TSNAX: variants seen among roughly 807,000 people sequenced by gnomAD.
The protein encoded by TSNAX is translin-associated protein X.
TSNAX carries 12 observed loss-of-function variants against 33.0 expected under a neutral mutation model. The ratio of observed to expected loss-of-function variants is 0.36; its 90% confidence interval spans 0.23 to 0.59. The LOEUF (loss-of-function observed/expected upper bound fraction) is 0.59. Ranked by LOEUF, TSNAX falls within the 20% of genes least tolerant of loss-of-function variation. The probability of loss-of-function intolerance (pLI) is 0.74; values close to 1 mark genes in which losing one functional copy is unlikely to be tolerated. For missense variants in TSNAX, 267 were observed against 341.3 expected (o/e 0.78, Z 1.72); for synonymous variants, 110 against 117.2 (o/e 0.94, Z 0.40).
intron 4 of TSNAX, among the ~76,000 whole-genome samples, chr1:231,543,544 G>T (rs1367630872): frequency 6.6e-6 from 1 of 152,126 alleles, no homozygotes; most frequent in Non-Finnish European, 1.5e-5. Context: ...TTTGGATTAG[G>T]AATGCTCAAT....
chr1:231,528,940 C>T (rs1303510304), intron 1 of TSNAX, 114 bp downstream of exon 1: 2 of 1,386,414 alleles, frequency 1.4e-6, no homozygotes, highest in African/African-American at 1.4e-5. Flanking sequence ...CTTGTAGACT[C>T]GGGGGCGGCC....
chr1:231,559,179 T>C (rs1358835321), intron 4 of TSNAX, among the ~76,000 whole-genome samples: 1 of 152,210 alleles, frequency 6.6e-6, no homozygotes, highest in Non-Finnish European at 1.5e-5. Context: ...ATCAGAAATG[T>C]ATTCTCTTGC....
intron 4 of TSNAX, among the ~76,000 whole-genome samples, chr1:231,544,778 A>G (rs1659798754): frequency 1.3e-5 from 2 of 152,260 alleles, no homozygotes. Flanking sequence ...AATGGAGAGA[A>G]AAAGGTGAAA....
chr1:231,565,072 A>G lies in TSNAX; in HGVS notation c.*167A>G, dbSNP rs543438734. 9.8e-6 allele frequency: 8 copies of G among 813,924 alleles called. No homozygotes were observed. In the East Asian group the frequency reaches 2.2e-4, roughly 22 times the overall value. The allele number at this position is 813,924 out of a possible 1,614,324, so 50.4% of individuals were successfully genotyped here. A position where few individuals can be genotyped will look rare whatever the true frequency, so the allele number is the denominator to read the frequency against. ...GCTGTACATAAAATTAGCCAAATGA[A>G]TCATTTCTTATATCTTATTCATGAA... On this transcript the variant is annotated 3_prime_UTR_variant, in exon 6 of 6. Transcript: ENST00000366639.
At chr1:231,538,910 C>G (rs1341598976) in intron 3 of TSNAX, among the ~76,000 whole-genome samples, 1 of 142,206 alleles carries the variant, frequency 7.0e-6, no homozygotes, top group Non-Finnish European at 1.5e-5. Context: ...CCAGCCTGGG[C>G]GACAGAATGA....
chr1:231,543,496 A>C (rs1659709576), intron 4 of TSNAX, among the ~76,000 whole-genome samples: 1 of 152,102 alleles, frequency 6.6e-6, no homozygotes. Context: ...TCAGCACTCA[A>C]AACGTTTTGG....
chr1:231,550,158 T>G (rs996800504), intron 4 of TSNAX, among the ~76,000 whole-genome samples: 1 of 152,202 alleles, frequency 6.6e-6, no homozygotes, highest in Non-Finnish European at 1.5e-5. Flanking sequence ...GCAAATACAC[T>G]CACATTCTCA....
chr1:231,562,799 G>T (rs1222392798), intron 5 of TSNAX, among the ~76,000 whole-genome samples: 1 of 152,118 alleles, frequency 6.6e-6, no homozygotes, highest in African/African-American at 2.4e-5. Flanking sequence ...AAGGTATTTT[G>T]CTCTGACTTG....
intron 4 of TSNAX, among the ~76,000 whole-genome samples, chr1:231,546,106 T>C (rs1659897633): frequency 1.3e-5 from 2 of 152,230 alleles, no homozygotes; most frequent in Non-Finnish European, 2.9e-5. Flanking sequence ...TTATATATTA[T>C]ATTTCTTCAT....
intron 4 of TSNAX, among the ~76,000 whole-genome samples, chr1:231,548,757 G>T (rs1337305657): frequency 6.6e-6 from 1 of 152,222 alleles, no homozygotes; most frequent in African/African-American, 2.4e-5. Flanking sequence ...AATTTGATAC[G>T]TAGGTCTACA....
At chr1:231,552,212 C>A (rs956739721) in intron 4 of TSNAX, among the ~76,000 whole-genome samples, 1 of 152,054 alleles carries the variant, frequency 6.6e-6, no homozygotes, top group East Asian at 1.9e-4. Flanking sequence ...TCACTTGAAC[C>A]CAGGTGGCAG....
At chr1:231,547,537 A>G (rs557730462) in intron 4 of TSNAX, among the ~76,000 whole-genome samples, 78 of 149,784 alleles carry the variant, frequency 5.2e-4, no homozygotes, top group Non-Finnish European at 1.1e-3. Context: ...ACTATAGGCA[A>G]ATGCCACCAT....
intron 3 of TSNAX, among the ~76,000 whole-genome samples, chr1:231,540,203 A>G (rs1402344973): frequency 6.9e-6 from 1 of 145,710 alleles, no homozygotes; most frequent in Non-Finnish European, 1.5e-5. Flanking sequence ...AAAAAACTTT[A>G]TGAAAGAAAT....
intron 4 of TSNAX, among the ~76,000 whole-genome samples, chr1:231,551,438 T>G (rs1660285942): frequency 6.6e-6 from 1 of 152,230 alleles, no homozygotes; most frequent in Admixed American, 6.5e-5. Context: ...CTTTCTTTCC[T>G]TTAGCATGAG....
intron 1 of TSNAX, 78 bp from the exon 2 acceptor site, chr1:231,529,177 G>C: frequency 7.0e-7 from 1 of 1,428,718 alleles, no homozygotes; most frequent in Non-Finnish European, 9.7e-7. Flanking sequence ...TTTAAAGCAA[G>C]GAGTAGGTTT....
chr1:231,528,878 C>T (rs780554800), intron 1 of TSNAX, 52 bp downstream of exon 1: 31 of 1,611,550 alleles, frequency 1.9e-5, no homozygotes, highest in Non-Finnish European at 2.2e-5. Context: ...GGAGGTTCTC[C>T]AGTCTTTCTA....
chr1:231,529,348 T>C lies in TSNAX; in HGVS notation c.110T>C (p.Leu37Ser). The C allele has an allele frequency of 6.2e-7, 1 of 1,614,162 alleles. No homozygotes were observed. Among genetic ancestry groups the C allele is most frequent in the Non-Finnish European group, 8.5e-7 (1 of 1,180,004 alleles). The change falls in exon 2 of 6, where the codon TTG becomes TCG. Residue 37 changes from leucine to serine, a missense_variant. Transcript: ENST00000366639. Reference protein sequence around the residue: ...KDVNSSSPVMLAFKSFQQELD... With the variant: ...KDVNSSSPVMSAFKSFQQELD... ...GTTAATTCATCTTCACCCGTGATGT[T>C]GGCCTTTAAATGTAAGTTCTCTGCA...
At chr1:231,551,387 T>A (rs1377459040) in intron 4 of TSNAX, among the ~76,000 whole-genome samples, 1 of 152,260 alleles carries the variant, frequency 6.6e-6, no homozygotes, top group African/African-American at 2.4e-5. Context: ...TCCATATCGC[T>A]GTAACCTTGG....
At chr1:231,537,111 G>A (rs1011173681) in intron 2 of TSNAX, 102 bp from the exon 3 acceptor site, 21 of 820,612 alleles carry the variant, frequency 2.6e-5, no homozygotes, top group Middle Eastern at 3.4e-4. Context: ...GATTACAGGC[G>A]TGAGCCACCG....
Sources: allele counts gnomAD v4.1 joint callset (sites outside exome capture counted in the v4.1 genomes callset), GRCh38; gene constraint gnomAD v4.1.1; transcripts MANE v1.5; gene names NCBI Gene and HGNC (gene_info 2026-07-23, HGNC 2026-07-21).